The following PLCG2 variants were observed in gnomAD, a reference collection of about 807,000 sequenced individuals.
The protein encoded by PLCG2 is phospholipase C gamma 2, also known as 1-phosphatidylinositol 4,5-bisphosphate phosphodiesterase gamma-2.
In PLCG2, 69 loss-of-function variants were observed where a neutral mutation model predicts 175.6. The observed-to-expected ratio is 0.39, with a 90% confidence interval of 0.32 to 0.48. The LOEUF (loss-of-function observed/expected upper bound fraction) is 0.48. Ranked by LOEUF, PLCG2 falls within the 20% of genes least tolerant of loss-of-function variation. The pLI is 0.91. For missense variants in PLCG2, 1,798 were observed against 1,650.9 expected (o/e 1.09, Z -1.54); for synonymous variants, 827 against 624.0 (o/e 1.33, Z -4.85).
intron 2 of PLCG2, among the ~76,000 whole-genome samples, chr16:81,848,855 G>A (rs894117664): frequency 2.6e-5 from 4 of 152,176 alleles, no homozygotes; most frequent in Admixed American, 6.5e-5. Flanking sequence ...TGCCTCTGTT[G>A]AGTGCTGTGG....
In PLCG2 at chr16:81,840,949, G is replaced by C. The variant is rs74029246; in HGVS notation, c.194-13495G>C. Among the ~76,000 whole-genome samples, 1,300 of 152,252 alleles carry C rather than the reference G, an allele frequency of 8.5e-3. 21 individuals are homozygous for C. Among genetic ancestry groups the C allele is most frequent in the African/African-American group, 0.028 (1,158 of 41,534 alleles). ...CCCTTGGGGATGGGGAGTCCCAGAG[G>C]GGAGAGAAGCACCAGTTTCCCCAGT... On this transcript the variant is annotated intron_variant, in intron 2 of 32. Coordinates refer to ENST00000564138, the MANE Select transcript of PLCG2 (RefSeq NM_002661.5).
chr16:81,751,557 G>A (rs1909813125), intron 1 of PLCG2, among the ~76,000 whole-genome samples: 4 of 152,136 alleles, frequency 2.6e-5, no homozygotes, highest in Admixed American at 2.0e-4. Context: ...ATTGTATGGC[G>A]TGGTAAATGT....
Position 81,885,744 on chromosome 16 carries a change from T to G in PLCG2, c.765+2403T>G, listed in dbSNP as rs570678850. Among the ~76,000 whole-genome samples the G allele has an allele frequency of 3.3e-5, 5 of 152,298 alleles. No individual in the cohort carries two copies. The South Asian group carries it at 1.0e-3, about 32-fold the overall frequency. On this transcript the variant is annotated intron_variant, in intron 9 of 32. Transcript: ENST00000564138. ...ATTTCATTGATGGAAGAGAAACTTATGAGTAGAGAAGACATGTTTTGCACA... is the reference window on the plus strand; with the variant it reads ...ATTTCATTGATGGAAGAGAAACTTAGGAGTAGAGAAGACATGTTTTGCACA...
intron 1 of PLCG2, among the ~76,000 whole-genome samples, chr16:81,751,734 A>C (rs1164266057): frequency 2.0e-5 from 3 of 152,146 alleles, no homozygotes; most frequent in Non-Finnish European, 4.4e-5. Flanking sequence ...ATAAATATGT[A>C]AAAGAGTCCG....
intron 2 of PLCG2, among the ~76,000 whole-genome samples, chr16:81,844,144 T>TTG (rs1905986355): frequency 9.3e-5 from 1 of 10,800 alleles, no homozygotes; most frequent in African/African-American, 2.4e-4. Context: ...ACCCGGCTGA[T>TTG]TTTTTTTTTT....
intron 3 of PLCG2, among the ~76,000 whole-genome samples, chr16:81,857,437 A>C (rs1906741941): frequency 6.6e-6 from 1 of 152,182 alleles, no homozygotes. Flanking sequence ...TACTGTAATG[A>C]AATGCTGTAG....
chr16:81,889,047 G>C (rs1303015438), intron 9 of PLCG2, 125 bp from the exon 10 acceptor site: 1 of 614,956 alleles, frequency 1.6e-6, no homozygotes, highest in East Asian at 2.8e-5. Flanking sequence ...TGTGGTGGTC[G>C]ATTGCAAGTG....
chr16:81,829,701 A>G (rs1412633433), intron 2 of PLCG2, among the ~76,000 whole-genome samples: 2 of 152,086 alleles, frequency 1.3e-5, no homozygotes, highest in East Asian at 3.8e-4. Context: ...TTCCATCGAT[A>G]TGTAGAGGTG....
rs147279894 is a variant in PLCG2, at chr16:81,798,830, C to T, written c.193+12648C>T. ...GTGGAGGAGGGGCTGGCCTCCCCGG[C>T]CTCAGGACTTCAGGGATCCCACTGC... On this transcript the variant is annotated intron_variant, in intron 2 of 32. Transcript: ENST00000564138. 7.0e-3 allele frequency: 1,067 copies of T among 152,474 alleles called. 4 individuals are homozygous for T. The highest frequency in any genetic ancestry group is 0.013 in the Middle Eastern group (4 of 298). 9.4% of individuals were successfully genotyped at this position (152,474 alleles called of 1,614,324 possible).
chr16:81,770,905 A>C (rs1199158152), intron 2 of PLCG2, among the ~76,000 whole-genome samples: 1 of 151,728 alleles, frequency 6.6e-6, no homozygotes, highest in African/African-American at 2.4e-5. Context: ...AAAAAAACAA[A>C]AAATTAGCTG....
At chr16:81,837,382 G>A (rs753668174) in intron 2 of PLCG2, among the ~76,000 whole-genome samples, 1 of 152,226 alleles carries the variant, frequency 6.6e-6, no homozygotes, top group African/African-American at 2.4e-5. Flanking sequence ...CACCCTGCAG[G>A]CCACTTCCTC....
chr16:81,912,164 T>A (rs1440227208), intron 18 of PLCG2, among the ~76,000 whole-genome samples: 1 of 151,838 alleles, frequency 6.6e-6, no homozygotes, highest in African/African-American at 2.4e-5. Context: ...AACTCCTGGC[T>A]TCTCGCGATC....
Position 81,950,731 on chromosome 16 carries a change from T to C in PLCG2, c.3570+4468T>C, listed in dbSNP as rs114327983. On this transcript the variant is annotated intron_variant, in intron 31 of 32. Coordinates refer to ENST00000564138, the MANE Select transcript of PLCG2 (RefSeq NM_002661.5). ...AAAATTGCTCACAATTTGAAGATAA[T>C]AATTTTCTAAATATACTAAAACAAG... 8.6e-3 allele frequency among the ~76,000 whole-genome samples: 1,316 copies of C among 152,300 alleles called. 25 individuals carry two copies. Among genetic ancestry groups the C allele is most frequent in the African/African-American group, 0.03 (1,246 of 41,568 alleles).
At chr16:81,942,822 G>A (rs1460656054) in intron 30 of PLCG2, among the ~76,000 whole-genome samples, 1 of 151,744 alleles carries the variant, frequency 6.6e-6, no homozygotes. Context: ...CTCTCACTGG[G>A]TGCTCAAAGC....
At chr16:81,836,587 A>C (rs1449035821) in intron 2 of PLCG2, among the ~76,000 whole-genome samples, 1 of 152,170 alleles carries the variant, frequency 6.6e-6, no homozygotes, top group East Asian at 1.9e-4. Flanking sequence ...ACAAAAATAC[A>C]AAAGTTAGCC....
chr16:81,960,920 A>T lies in PLCG2; in HGVS notation c.*2922A>T, dbSNP rs893792539. On this transcript the variant is annotated 3_prime_UTR_variant, in exon 33 of 33. Coordinates refer to ENST00000564138, the MANE Select transcript of PLCG2 (RefSeq NM_002661.5). ...TTCTTCTCTAAGATTCATCTGCCTG[A>T]GAAAATGCCCTTTTCTCACCTTACA... 3.2e-4 allele frequency: 73 copies of T among 229,116 alleles called. No individual in the cohort carries two copies. The highest frequency in any genetic ancestry group is 1.6e-3 in the African/African-American group (72 of 45,140). The allele number at this position is 229,116 out of a possible 1,614,324, so 14.2% of individuals were successfully genotyped here. A position where few individuals can be genotyped will look rare whatever the true frequency, so the allele number is the denominator to read the frequency against.
intron 2 of PLCG2, among the ~76,000 whole-genome samples, chr16:81,844,708 AAAAG>A (rs1906021666): frequency 6.6e-6 from 1 of 152,262 alleles, no homozygotes; most frequent in African/African-American, 2.4e-5. Context: ...TTTGCATAAA[AAAAG>A]AGTTAATAAG....
At chr16:81,778,852 C>A (rs905774979), upstream of PLCG2, among the ~76,000 whole-genome samples, 3 of 152,130 alleles carry the variant, frequency 2.0e-5, no homozygotes, top group East Asian at 5.8e-4. Flanking sequence ...TGTCTCTCGG[C>A]CACACCCATC....
intron 2 of PLCG2, among the ~76,000 whole-genome samples, chr16:81,849,374 T>C (rs544983760): frequency 2.8e-4 from 43 of 152,316 alleles, no homozygotes; most frequent in Non-Finnish European, 6.0e-4. Context: ...TGGCTATTGC[T>C]GGAAGACAAT....
Sources: gnomAD v4.1 joint callset for allele counts (sites outside exome capture counted in the v4.1 genomes callset) on GRCh38, gnomAD v4.1.1 for gene constraint, MANE v1.5 for transcripts, NCBI Gene and HGNC (gene_info 2026-07-23, HGNC 2026-07-21) for gene names.